Variants in MCM3 observed in about 807,000 individuals in gnomAD.
MCM3 encodes the protein DNA replication licensing factor MCM3.
MCM3 carries 59 observed loss-of-function variants against 91.3 expected under a neutral mutation model. The ratio of observed to expected loss-of-function variants is 0.65; its 90% CI spans 0.52 to 0.80. MCM3 has a LOEUF of 0.80. Ranked by LOEUF, MCM3 falls within the 30% of genes least tolerant of loss-of-function variation. The pLI is 0.00. For missense variants in MCM3, 919 were observed against 1,035.4 expected, an observed-to-expected ratio of 0.89 and a Z score of 1.54; for synonymous variants, 383 against 379.6, an observed-to-expected ratio of 1.01 and a Z score of -0.10.
At position 52,272,352 on chromosome 6, in the gene MCM3, T is replaced by G. The variant is rs539863624; in HGVS notation, c.1776A>C (p.Glu592Asp). The stretch of plus-strand genomic sequence containing the variant: ...CCTGGCTGCGCAGGCGTGAATACTC[T>G]TCTGCAATGTAGGTGGCCGACTCCT... ...LTQESATYIA[E>D]EYSRLRSQDS... is the part of the protein sequence containing the mutation. The change falls in exon 12 of 17, where the codon GAA (glutamate) becomes GAC (aspartate). Residue 592 changes from glutamate (E) to aspartate (D), a missense_variant. By Grantham distance (45) the Glu-to-Asp change is conservative (BLOSUM62 2). Transcript: ENST00000596288. 1 of 1,614,092 alleles carries G rather than the reference T, an allele frequency of 6.2e-7. No individual in the cohort carries two copies. The highest frequency in any genetic ancestry group is 1.3e-5 in the African/African-American group (1 of 74,924).
chr6:52,283,868 T>C (rs1208832769), intron 1 of MCM3, among the ~76,000 whole-genome samples: 1 of 152,208 alleles, frequency 6.6e-6, no homozygotes, highest in Non-Finnish European at 1.5e-5. Flanking sequence ...TTCAAATATA[T>C]ACAATAAAAA....
intron 6 of MCM3, among the ~76,000 whole-genome samples, chr6:52,278,425 A>C (rs910649667): frequency 1.1e-4 from 16 of 152,256 alleles, no homozygotes; most frequent in Admixed American, 3.3e-4. Context: ...AAAATGTTTA[A>C]GTAGTAATGC....
intron 13 of MCM3, 66 bp downstream of exon 13, chr6:52,269,020 T>C: frequency 2.0e-6 from 3 of 1,520,738 alleles, no homozygotes; most frequent in Non-Finnish European, 2.7e-6. Flanking sequence ...CACGGAAGGC[T>C]GGGAAGCCCA....
In MCM3 at chr6:52,272,343, T is replaced by G; in HGVS notation, c.1785A>C (p.Ser595=). 1 of 1,614,188 alleles carries G rather than the reference T, an allele frequency of 6.2e-7. No homozygotes were observed. The stretch of plus-strand genomic sequence containing the variant: ...TCATGCTATCCTGGCTGCGCAGGCG[T>G]GAATACTCTTCTGCAATGTAGGTGG... ...ESATYIAEEY[S]RLRSQDSMSS... is the part of the protein sequence containing the mutation. The change falls in exon 12 of 17, where the codon TCA becomes TCC. Residue 595 remains serine, a synonymous_variant. Coordinates refer to ENST00000596288, the MANE Select transcript of MCM3 (RefSeq NM_002388.6).
intron 15 of MCM3, 68 bp from the exon 16 acceptor site, chr6:52,266,212 G>T: frequency 8.4e-7 from 1 of 1,186,674 alleles, no homozygotes; most frequent in Non-Finnish European, 1.3e-6. Context: ...ACAAACACTA[G>T]AGAAATCATC....
At chr6:52,276,070 G>T (rs1017741979) in intron 9 of MCM3, 198 bp downstream of exon 9, 1 of 579,526 alleles carries the variant, frequency 1.7e-6, no homozygotes. Flanking sequence ...TTTAAATAAG[G>T]AACTTTCCAG....
chr6:52,274,633 G>C (rs1196053805), intron 9 of MCM3, among the ~76,000 whole-genome samples: 1 of 151,580 alleles, frequency 6.6e-6, no homozygotes, highest in Non-Finnish European at 1.5e-5. Context: ...AGGCTGCAGT[G>C]AGCCAGGATC....
rs1765885962 is a variant in MCM3, at chr6:52,279,491, G to A, written c.640C>T (p.Pro214Ser). 6.2e-7 allele frequency: 1 copy of A among 1,614,050 alleles called. No individual in the cohort carries two copies. The highest frequency in any genetic ancestry group is 8.5e-7 in the Non-Finnish European group (1 of 1,180,046). ...TCCAGAATGACGTCCACAGAGCGGG[G>A]GAGCTGGCCGGCTGGGGCCTTCTCC... is the stretch of plus-strand genomic sequence containing the variant. ...MPEKAPAGQL[P>S]RSVDVILDDD... The change falls in exon 5 of 17, where the codon CCC becomes TCC. Residue 214 changes from proline to serine, a missense_variant. This residue lies in a region of MCM3 where 401 missense variants were observed against 402.7 expected (regional missense o/e 1.00). Coordinates refer to ENST00000596288, the MANE Select transcript of MCM3 (RefSeq NM_002388.6).
chr6:52,268,002 G>A (rs1401543762), intron 13 of MCM3, 34 bp from the exon 14 acceptor site: 1 of 1,613,732 alleles, frequency 6.2e-7, no homozygotes, highest in Non-Finnish European at 8.5e-7. Context: ...GGGCTAGAGG[G>A]GTCACTGATG....
At chr6:52,272,945 C>CA (rs1444860632) in intron 11 of MCM3, among the ~76,000 whole-genome samples, 1 of 152,170 alleles carries the variant, frequency 6.6e-6, no homozygotes, top group African/African-American at 2.4e-5. Flanking sequence ...TGACACTTGC[C>CA]ATCTTTCATA....
intron 12 of MCM3, among the ~76,000 whole-genome samples, chr6:52,271,877 G>A (rs892461053): frequency 2.6e-5 from 4 of 152,136 alleles, no homozygotes; most frequent in Admixed American, 6.5e-5. Flanking sequence ...AGCCTTTCAC[G>A]TTCATTCCTT....
At position 52,279,501 on chromosome 6, in the gene MCM3, G is replaced by A. The variant is rs112388885; in HGVS notation, c.630C>T (p.Ala210=). 3.0e-5 allele frequency: 48 copies of A among 1,614,010 alleles called. No homozygotes were observed. The highest frequency in any genetic ancestry group is 1.3e-4 in the East Asian group (6 of 44,896). The change falls in exon 5 of 17, where the codon GCC becomes GCT. Residue 210 remains alanine, a synonymous_variant. Transcript: ENST00000596288. The stretch of plus-strand genomic sequence containing the variant: ...CGTCCACAGAGCGGGGGAGCTGGCC[G>A]GCTGGGGCCTTCTCCGGCATCTCCT... The part of the protein sequence containing the change: ...TIQEMPEKAP[A]GQLPRSVDVI...
In MCM3 at chr6:52,264,550, C is replaced by T; in HGVS notation, c.*38G>A. On this transcript the variant is annotated 3_prime_UTR_variant, in exon 17 of 17. Coordinates refer to ENST00000596288, the MANE Select transcript of MCM3 (RefSeq NM_002388.6). ...GAGAGGGTGGGAAACACAGAACAAA[C>T]TCTCTCGGCACAACCCAAGTTCAGA... 1 of 1,610,140 alleles carries T rather than the reference C, an allele frequency of 6.2e-7. No homozygotes were observed. The highest frequency in any genetic ancestry group is 8.5e-7 in the Non-Finnish European group (1 of 1,176,638).
Position 52,273,838 on chromosome 6 carries a change from T to C in MCM3, c.1453A>G (p.Met485Val), listed in dbSNP as rs769206167. ...TGCTCAGGATCCATCTGATCCAGCA[T>C]GATGAAGAGCAAGTCAAATCGTGAC... ...LLSRFDLLFI[M>V]LDQMDPEQDR... The change falls in exon 10 of 17, where the codon ATG becomes GTG. Residue 485 changes from methionine to valine, a missense_variant. By Grantham distance (21) the Met-to-Val change is conservative. Coordinates refer to ENST00000596288, the MANE Select transcript of MCM3 (RefSeq NM_002388.6). The C allele has an allele frequency of 6.2e-7, 1 of 1,614,170 alleles. No homozygotes were observed. Among genetic ancestry groups the C allele is most frequent in the Non-Finnish European group, 8.5e-7 (1 of 1,180,014 alleles).
At chr6:52,270,676 A>C (rs1245728371) in intron 12 of MCM3, among the ~76,000 whole-genome samples, 1 of 152,132 alleles carries the variant, frequency 6.6e-6, no homozygotes, top group Non-Finnish European at 1.5e-5. Context: ...CCACACTAAG[A>C]CAATTAAAAT....
intron 4 of MCM3, 63 bp from the exon 5 acceptor site, chr6:52,279,662 C>T: frequency 1.7e-6 from 2 of 1,187,120 alleles, no homozygotes; most frequent in East Asian, 4.7e-5. Context: ...GCCACACTCA[C>T]CTGTCATGGC....
At chr6:52,271,720 T>C (rs1765147092) in intron 12 of MCM3, among the ~76,000 whole-genome samples, 1 of 152,232 alleles carries the variant, frequency 6.6e-6, no homozygotes, top group South Asian at 2.1e-4. Context: ...TACCAGAAAT[T>C]GCTTTGAATA....
In MCM3 at chr6:52,276,415, A is replaced by G. The variant is rs1406971456; in HGVS notation, c.1227T>C (p.Asp409=). The change falls in exon 9 of 17, where the codon GAT becomes GAC. Residue 409 remains aspartate, a synonymous_variant. Transcript: ENST00000596288. ...CCATGTCAGACATTTTGTCAAATTCATCAATGCAAACCACGCCTCGGTCAG... is the reference window on the plus strand; with the variant it reads ...CCATGTCAGACATTTTGTCAAATTCGTCAATGCAAACCACGCCTCGGTCAG... ...VLADRGVVCI[D]EFDKMSDMDR... is the part of the protein sequence containing the mutation. 1.2e-6 allele frequency: 2 copies of G among 1,614,210 alleles called. No homozygotes were observed. The highest frequency in any genetic ancestry group is 1.7e-6 in the Non-Finnish European group (2 of 1,180,036).
At chr6:52,280,342 C>T (rs1765977840) in intron 4 of MCM3, among the ~76,000 whole-genome samples, 1 of 152,214 alleles carries the variant, frequency 6.6e-6, no homozygotes, top group South Asian at 2.1e-4. Context: ...ACTTCCTTCA[C>T]ATTTGAATTT....
Sources: gnomAD v4.1 joint callset for allele counts (sites outside exome capture counted in the v4.1 genomes callset) on GRCh38, gnomAD v4.1.1 for gene constraint, gnomAD v4.1.1 regional missense constraint, MANE v1.5 for transcripts, NCBI Gene and HGNC (gene_info 2026-07-23, HGNC 2026-07-21) for gene names.